DENND2B: variants seen among roughly 807,000 people sequenced by gnomAD.
DENND2B encodes DENN domain-containing protein 2B.
DENND2B carries 32 observed loss-of-function variants against 116.0 expected under a neutral mutation model. The observed-to-expected ratio is 0.28, with a 90% CI of 0.21 to 0.37. The LOEUF (loss-of-function observed/expected upper bound fraction) is 0.37, where lower values mean the gene tolerates loss of function less well. Among genes scored for constraint, DENND2B ranks in the 10% least tolerant of loss-of-function variants. The pLI, the probability that DENND2B is intolerant of heterozygous loss-of-function variation, is 1.00. For synonymous variants in DENND2B, 588 were observed against 583.9 expected (o/e 1.01, Z -0.10); for missense variants, 1,276 against 1,477.7 (o/e 0.86, Z 2.24).
chr11:8,897,333 T>C (rs1001710117), intron 1 of DENND2B, among the ~76,000 whole-genome samples: 1 of 152,120 alleles, frequency 6.6e-6, no homozygotes, highest in African/African-American at 2.4e-5. Context: ...AATCAAACTA[T>C]TGAACCTTGG....
chr11:8,909,581 C>G (rs1486041109), intron 1 of DENND2B, among the ~76,000 whole-genome samples: 1 of 151,996 alleles, frequency 6.6e-6, no homozygotes, highest in Non-Finnish European at 1.5e-5. Context: ...CTTGATAAAC[C>G]CTTATTGAAG....
Position 8,702,352 on chromosome 11 carries a change from C to A in DENND2B, c.2720+220G>T, listed in dbSNP as rs964613985. On this transcript the variant is annotated intron_variant, in intron 14 of 19. Transcript: ENST00000313726. This position sits in a 1 kb window ranked among gnomAD's most constrained non-coding sequence, Gnocchi z 4.6. ...CCCTCCCTCTCCCCTCAGGCCAAGC[C>A]CTCCACAGGGTTCTCAATCCTGCCA... is the stretch of plus-strand genomic sequence containing the variant. 1.3e-5 allele frequency among the ~76,000 whole-genome samples: 2 copies of A among 152,208 alleles called. No individual in the cohort carries two copies. Among genetic ancestry groups the A allele is most frequent in the Non-Finnish European group, 2.9e-5 (2 of 68,030 alleles).
chr11:8,718,122 C>A (rs1435965334), intron 4 of DENND2B: 6 of 337,638 alleles, frequency 1.8e-5, no homozygotes, highest in African/African-American at 9.4e-5. Flanking sequence ...CAACCCCCCA[C>A]CCCCAGCCCA....
upstream of DENND2B, chr11:8,810,798 T>TCTCTCTCTCTCTCTCTCTC (rs1247782848): frequency 7.4e-6 from 1 of 134,760 alleles, no homozygotes; most frequent in Non-Finnish European, 1.5e-5. Context: ...TTTTCTTTCT[T>TCTCTCTCTCTCTCTCTCTC]TCTCACTGTC....
At chr11:8,758,267 C>T (rs910536247) in intron 1 of DENND2B, among the ~76,000 whole-genome samples, 1 of 152,140 alleles carries the variant, frequency 6.6e-6, no homozygotes, top group African/African-American at 2.4e-5. Context: ...GCACTCAGCC[C>T]CTCTTCCTCC....
intron 4 of DENND2B, among the ~76,000 whole-genome samples, chr11:8,819,429 T>C (rs1480098034): frequency 6.6e-6 from 1 of 151,976 alleles, no homozygotes; most frequent in Non-Finnish European, 1.5e-5. Flanking sequence ...TAAAATGGGA[T>C]ATTTGTGTAA....
At chr11:8,806,639 C>CACACACACACACACACA (rs1565991413) in intron 1 of DENND2B, among the ~76,000 whole-genome samples, 61 of 147,756 alleles carry the variant, frequency 4.1e-4, no homozygotes, top group South Asian at 8.7e-4. Flanking sequence ...CACACACACA[C>CACACACACACACACACA]CCAGGAGAGC....
intron 1 of DENND2B, chr11:8,783,878 T>A (rs2058636464): frequency 1.3e-5 from 2 of 152,220 alleles, no homozygotes; most frequent in Admixed American, 1.3e-4. Context: ...AGGTTGGGCA[T>A]TTTCAGCAAC....
Position 8,718,508 on chromosome 11 carries a change from G to A in DENND2B, c.1478-616C>T, listed in dbSNP as rs1419054447. 2.1e-6 allele frequency: 3 copies of A among 1,459,386 alleles called. No homozygotes were observed. In the African/African-American group the frequency reaches 4.2e-5, roughly 21 times the overall value. 90.4% of individuals were successfully genotyped at this position (1,459,386 alleles called of 1,614,324 possible). A position where few individuals can be genotyped will look rare whatever the true frequency, so the allele number is the denominator to read the frequency against. ...CAACCTCGGAACGGAACAGTGATTA[G>A]CAAGGAGGAAGTGTTCAGTAATGAT... is the stretch of plus-strand genomic sequence containing the variant. On this transcript the variant is annotated intron_variant, in intron 4 of 19. Transcript: ENST00000313726.
chr11:8,762,785 G>A (rs574247477), intron 1 of DENND2B, among the ~76,000 whole-genome samples: 1 of 152,154 alleles, frequency 6.6e-6, no homozygotes, highest in Non-Finnish European at 1.5e-5. Flanking sequence ...GCTTGAACCC[G>A]GGAGGCAGAG....
intron 1 of DENND2B, chr11:8,808,394 T>C (rs535662402): frequency 6.6e-6 from 1 of 152,312 alleles, no homozygotes; most frequent in East Asian, 1.9e-4. Context: ...CTCTCCTCTA[T>C]ACTATATATA....
In DENND2B at chr11:8,699,019, C is replaced by T. The variant is rs191646635; in HGVS notation, c.2899-45G>A. 49 of 1,608,560 alleles carry T rather than the reference C, an allele frequency of 3.0e-5. No individual in the cohort carries two copies. In the Admixed American group the frequency reaches 3.5e-4, roughly 12 times the overall value. On this transcript the variant is annotated intron_variant, in intron 15 of 19. Coordinates refer to ENST00000313726, the MANE Select transcript of DENND2B (RefSeq NM_213618.2). ...GCAGAGTGGCTCAGGGCATGAGTCC[C>T]GCAATGCCCTCTGCCAGGCCTCCAG...
chr11:8,704,836 T>C (rs944440415), intron 13 of DENND2B, among the ~76,000 whole-genome samples: 1 of 152,150 alleles, frequency 6.6e-6, no homozygotes, highest in Non-Finnish European at 1.5e-5. Context: ...TGGCTGGGAT[T>C]ACAGGCATGC....
intron 1 of DENND2B, among the ~76,000 whole-genome samples, chr11:8,792,897 A>T (rs1453185745): frequency 1.3e-5 from 2 of 152,196 alleles, no homozygotes; most frequent in African/African-American, 4.8e-5. Context: ...ACACCCTTTG[A>T]TCAGCAAATC....
At chr11:8,902,781 G>T (rs1242224622) in intron 1 of DENND2B, among the ~76,000 whole-genome samples, 1 of 152,170 alleles carries the variant, frequency 6.6e-6, no homozygotes, top group African/African-American at 2.4e-5. Context: ...TTGTGTGTTT[G>T]ACTATAAGTT....
intron 1 of DENND2B, among the ~76,000 whole-genome samples, chr11:8,907,301 T>C (rs1294083146): frequency 6.6e-6 from 1 of 152,206 alleles, no homozygotes; most frequent in Non-Finnish European, 1.5e-5. Flanking sequence ...CCATTTACAA[T>C]TCCATTTTCA....
chr11:8,804,341 T>C (rs1400618015), intron 1 of DENND2B, among the ~76,000 whole-genome samples: 2 of 148,222 alleles, frequency 1.3e-5, no homozygotes, highest in East Asian at 4.0e-4. Flanking sequence ...TCTTTGATCA[T>C]TCTGCCTGAT....
At chr11:8,860,571 A>G (rs1244501183) in intron 2 of DENND2B, among the ~76,000 whole-genome samples, 1 of 152,240 alleles carries the variant, frequency 6.6e-6, no homozygotes, top group Admixed American at 6.5e-5. Context: ...AATACACCCC[A>G]TGCTCATGAA....
chr11:8,748,773 A>T (rs1218194387), intron 2 of DENND2B, among the ~76,000 whole-genome samples: 1 of 152,188 alleles, frequency 6.6e-6, no homozygotes, highest in African/African-American at 2.4e-5. Flanking sequence ...CATGCTGAGA[A>T]GCTAAAGGAA....
Sources: gnomAD v4.1 joint callset for allele counts (sites outside exome capture counted in the v4.1 genomes callset) on GRCh38, gnomAD v4.1.1 for gene constraint, Gnocchi (gnomAD v3.1) non-coding constraint, MANE v1.5 for transcripts, NCBI Gene and HGNC (gene_info 2026-07-23, HGNC 2026-07-21) for gene names.